Variants in CSNK1G3 observed in about 807,000 individuals in gnomAD.
CSNK1G3 encodes casein kinase 1 gamma 3.
In CSNK1G3, 23 loss-of-function variants were observed where a neutral mutation model predicts 64.3. The ratio of observed to expected loss-of-function variants is 0.36; its 90% CI spans 0.26 to 0.51. CSNK1G3 has a LOEUF of 0.51. Among genes scored for constraint, CSNK1G3 ranks in the 20% least tolerant of loss-of-function variants. The pLI is 0.96. For missense variants in CSNK1G3, 357 were observed against 510.5 expected (o/e 0.70, Z 2.90); for synonymous variants, 158 against 162.2 (o/e 0.97, Z 0.20).
chr5:123,576,418 C>T (rs1028549207), intron 6 of CSNK1G3, among the ~76,000 whole-genome samples: 3 of 152,114 alleles, frequency 2.0e-5, no homozygotes. Flanking sequence ...GCAGAGCTGG[C>T]TTACCTGTAT....
intron 1 of CSNK1G3, among the ~76,000 whole-genome samples, chr5:123,527,983 A>G (rs913223046): frequency 1.3e-4 from 20 of 152,186 alleles, no homozygotes; most frequent in African/African-American, 4.3e-4. Flanking sequence ...CTGTAAATCT[A>G]TTGATGAGGA....
chr5:123,551,226 A>G (rs982778737), intron 2 of CSNK1G3, among the ~76,000 whole-genome samples: 24 of 152,238 alleles, frequency 1.6e-4, no homozygotes, highest in African/African-American at 4.8e-4. Context: ...TTTGACATCA[A>G]GTTCTTCATT....
At chr5:123,573,865 T>TTTTG (rs1561549148) in intron 5 of CSNK1G3, among the ~76,000 whole-genome samples, 2 of 151,848 alleles carry the variant, frequency 1.3e-5, no homozygotes, top group Admixed American at 6.6e-5. Flanking sequence ...TTTTTTTTTT[T>TTTTG]TTGAGACGGA....
At chr5:123,604,102 A>G (rs1794939583) in intron 10 of CSNK1G3, among the ~76,000 whole-genome samples, 1 of 152,052 alleles carries the variant, frequency 6.6e-6, no homozygotes, top group African/African-American at 2.4e-5. Flanking sequence ...TCCTTGTAGT[A>G]ATAGAGATGG....
intron 2 of CSNK1G3, among the ~76,000 whole-genome samples, chr5:123,548,408 G>A (rs4836021): frequency 0.6 from 87,458 of 144,982 alleles, 27,181 homozygotes; most frequent in African/African-American, 0.78. Flanking sequence ...GCAGTGACCT[G>A]TGATTGTGCC....
exon 13 of CSNK1G3, chr5:123,615,359 A>G (rs1189140220): frequency 6.6e-6 from 1 of 152,482 alleles, no homozygotes; most frequent in Non-Finnish European, 1.5e-5. Flanking sequence ...AAAACTTTGG[A>G]TGTGCCATGC....
intron 4 of CSNK1G3, among the ~76,000 whole-genome samples, chr5:123,565,135 T>C (rs1338046361): frequency 1.3e-5 from 2 of 152,342 alleles, no homozygotes; most frequent in South Asian, 2.1e-4. Context: ...AGTAACATTG[T>C]TCTACATATT....
At chr5:123,573,533 A>G (rs371794832) in exon 5 of CSNK1G3, 1 of 1,599,808 alleles carries the variant, frequency 6.3e-7, no homozygotes, top group Non-Finnish European at 8.5e-7. Flanking sequence ...CATGATAGCT[A>G]TACAACTGGT....
At chr5:123,541,053 A>G (rs1465658030) in intron 1 of CSNK1G3, among the ~76,000 whole-genome samples, 2 of 152,196 alleles carry the variant, frequency 1.3e-5, no homozygotes, top group African/African-American at 4.8e-5. Flanking sequence ...ATTTTGCGGT[A>G]TTTTATACAT....
chr5:123,557,407 C>T (rs1581114048), intron 3 of CSNK1G3, 88 bp from the exon 4 acceptor site: 2 of 866,248 alleles, frequency 2.3e-6, no homozygotes, highest in Non-Finnish European at 3.7e-6. Context: ...ATAATATAGG[C>T]ATTGACACCA....
chr5:123,532,108 TAGTA>T (rs537675328), intron 1 of CSNK1G3, among the ~76,000 whole-genome samples: 8 of 151,966 alleles, frequency 5.3e-5, no homozygotes, highest in South Asian at 2.1e-4. Context: ...ACTGGTGTAA[TAGTA>T]AGGTATTTTT....
chr5:123,613,014 G>C (rs1298657995), intron 12 of CSNK1G3, among the ~76,000 whole-genome samples: 1 of 152,100 alleles, frequency 6.6e-6, no homozygotes, highest in Non-Finnish European at 1.5e-5. Context: ...TCAACCTTAG[G>C]AAGGGGTTGA....
chr5:123,614,521 C>G (rs1561644398), exon 13 of CSNK1G3: 5 of 671,642 alleles, frequency 7.4e-6, no homozygotes, highest in Admixed American at 3.1e-5. Flanking sequence ...AAATGTCATA[C>G]TTTCATACTT....
rs181208572 is a variant in CSNK1G3 at position 123,522,801 on chromosome 5, A to G, written c.-248+10231A>G. ...AGGAGCCCATAGATAATGAGGGTCAATTGTACTTAGCATCCTTAGTGAGGC... is the reference window on the plus strand; with the variant it reads ...AGGAGCCCATAGATAATGAGGGTCAGTTGTACTTAGCATCCTTAGTGAGGC... On this transcript the variant is annotated intron_variant, in intron 1 of 12. Coordinates refer to ENST00000345990, the Ensembl canonical transcript of CSNK1G3. Among the ~76,000 whole-genome samples, 40 of 152,306 alleles carry G rather than the reference A, an allele frequency of 2.6e-4. No individual in the cohort carries two copies. The East Asian group carries it at 4.6e-3, about 18-fold the overall frequency.
At chr5:123,586,481 T>A (rs1049041519) in intron 6 of CSNK1G3, among the ~76,000 whole-genome samples, 1 of 152,232 alleles carries the variant, frequency 6.6e-6, no homozygotes, top group Non-Finnish European at 1.5e-5. Context: ...AGATGGACTT[T>A]AAGGCCACTA....
At chr5:123,567,592 T>G (rs1461060426) in intron 4 of CSNK1G3, among the ~76,000 whole-genome samples, 3 of 151,976 alleles carry the variant, frequency 2.0e-5, no homozygotes, top group Admixed American at 6.6e-5. Flanking sequence ...GGCAATAGAG[T>G]GAGACTCCAT....
chr5:123,558,567 A>C (rs1337341012), intron 4 of CSNK1G3, among the ~76,000 whole-genome samples: 1 of 152,190 alleles, frequency 6.6e-6, no homozygotes, highest in Non-Finnish European at 1.5e-5. Flanking sequence ...TTTCATACTG[A>C]TATCAGTTTT....
chr5:123,533,187 T>C (rs1780216962), intron 1 of CSNK1G3, among the ~76,000 whole-genome samples: 1 of 151,944 alleles, frequency 6.6e-6, no homozygotes, highest in African/African-American at 2.4e-5. Flanking sequence ...ACTCTGTACT[T>C]TGCAGGATGT....
At chr5:123,576,088 AC>A in intron 6 of CSNK1G3, 125 bp downstream of exon 6, 1 of 589,410 alleles carries the variant, frequency 1.7e-6, no homozygotes, top group East Asian at 2.9e-5. Flanking sequence ...TTCATTTATC[AC>A]ATCTACCTAG....
Sources: gnomAD v4.1 joint callset for allele counts (sites outside exome capture counted in the v4.1 genomes callset) on GRCh38, gnomAD v4.1.1 for gene constraint, MANE v1.5 for transcripts, NCBI Gene and HGNC (gene_info 2026-07-23, HGNC 2026-07-21) for gene names.